Variants in AGBL1 observed in about 807,000 individuals in gnomAD.
AGBL1 encodes AGBL carboxypeptidase 1.
A neutral mutation model predicts 118.9 loss-of-function variants in AGBL1; 130 were observed. The ratio of observed to expected loss-of-function variants is 1.09; its 90% CI spans 0.95 to 1.26. The LOEUF is 1.26. AGBL1 is among the 50% of genes most tolerant of loss of function. The pLI is 0.00. For synonymous variants in AGBL1, 555 were observed against 478.9 expected, an observed-to-expected ratio of 1.16 and a Z score of -2.08; for missense variants, 1,584 against 1,298.1, an observed-to-expected ratio of 1.22 and a Z score of -3.38.
chr15:86,518,704 T>C (rs540568584), intron 18 of AGBL1, among the ~76,000 whole-genome samples: 3 of 152,164 alleles, frequency 2.0e-5, no homozygotes, highest in African/African-American at 7.2e-5. Context: ...TGACCCTCAG[T>C]GGCATATGAA....
intron 22 of AGBL1, among the ~76,000 whole-genome samples, chr15:86,716,065 C>CAA (rs35322996): frequency 4.6e-5 from 5 of 109,790 alleles, no homozygotes; most frequent in Admixed American, 1.8e-4. Context: ...GACTCCGTCT[C>CAA]AAAAAAAAAA....
chr15:86,846,380 T>C (rs2079318526), intron 22 of AGBL1, among the ~76,000 whole-genome samples: 1 of 152,232 alleles, frequency 6.6e-6, no homozygotes, highest in African/African-American at 2.4e-5. Flanking sequence ...CCATTAATTT[T>C]ATATTCTTTT....
chr15:86,355,845 C>G (rs1332979341), intron 17 of AGBL1, among the ~76,000 whole-genome samples: 1 of 152,106 alleles, frequency 6.6e-6, no homozygotes, highest in African/African-American at 2.4e-5. Flanking sequence ...ATTTGTGCTT[C>G]CCCATGTTTT....
chr15:86,384,116 TGAG>T (rs1302396099), intron 17 of AGBL1, among the ~76,000 whole-genome samples: 2 of 152,146 alleles, frequency 1.3e-5, no homozygotes, highest in African/African-American at 2.4e-5. Context: ...TGGGCTCCAT[TGAG>T]GTAGTGCTTA....
rs1567242774 is a variant in AGBL1 at position 86,410,828 on chromosome 15, A to ATGATATACTATTT, written c.2555+13283_2555+13284insGATATACTATTTT. On this transcript the variant is annotated intron_variant, in intron 18 of 22. Coordinates refer to ENST00000614907, the MANE Select transcript of AGBL1 (RefSeq NM_001386094.1). Reference sequence around the variant, plus strand: ...TGTAGATATATATATATATATATATATATATATATATATAATATACTATTT... The same window carrying ATGATATACTATTT: ...TGTAGATATATATATATATATATATATGATATACTATTTTATATATATATATAATATACTATTT... Among the ~76,000 whole-genome samples the ATGATATACTATTT allele has an allele frequency of 3.0e-4, 28 of 94,352 alleles. 1 individual carries two copies. The South Asian group carries it at 5.8e-3, about 19-fold the overall frequency. The allele number at this position is 94,352 out of a possible 152,430, so 61.9% of individuals were successfully genotyped here.
downstream of AGBL1, among the ~76,000 whole-genome samples, chr15:87,029,670 T>C (rs1045531282): frequency 3.3e-5 from 5 of 151,960 alleles, no homozygotes; most frequent in African/African-American, 7.2e-5. Flanking sequence ...GTCAAAGAGA[T>C]AGTCTGTAGG....
At chr15:86,513,407 T>A (rs2083076321) in intron 18 of AGBL1, among the ~76,000 whole-genome samples, 1 of 152,098 alleles carries the variant, frequency 6.6e-6, no homozygotes, top group Non-Finnish European at 1.5e-5. Context: ...AGTTGTATCA[T>A]ATCAGGGGCA....
chr15:86,148,031 T>C (rs1337488023), intron 3 of AGBL1, among the ~76,000 whole-genome samples: 2 of 151,988 alleles, frequency 1.3e-5, no homozygotes, highest in African/African-American at 4.8e-5. Context: ...AGACCTGCAG[T>C]TGAGGGACCT....
At chr15:86,384,041 C>G (rs1051711288) in intron 17 of AGBL1, among the ~76,000 whole-genome samples, 2 of 152,098 alleles carry the variant, frequency 1.3e-5, no homozygotes, top group Non-Finnish European at 2.9e-5. Flanking sequence ...AATGAGTCTT[C>G]GTGGAGCATG....
At chr15:86,977,042 A>G (rs565783909) in intron 23 of AGBL1, among the ~76,000 whole-genome samples, 1 of 152,078 alleles carries the variant, frequency 6.6e-6, no homozygotes, top group African/African-American at 2.4e-5. Flanking sequence ...TAATATAGTG[A>G]AAGTTACATC....
intron 18 of AGBL1, among the ~76,000 whole-genome samples, chr15:86,491,271 G>A (rs943431262): frequency 4.6e-5 from 7 of 152,102 alleles, no homozygotes; most frequent in Admixed American, 1.3e-4. Flanking sequence ...AAGGGTGTGC[G>A]AAACAGCATG....
At chr15:86,280,923 G>A (rs1055827640) in intron 16 of AGBL1, among the ~76,000 whole-genome samples, 1 of 152,170 alleles carries the variant, frequency 6.6e-6, no homozygotes, top group Non-Finnish European at 1.5e-5. Flanking sequence ...ATCACACTTA[G>A]AGAGCTCAAG....
intron 22 of AGBL1, among the ~76,000 whole-genome samples, chr15:86,894,904 T>G (rs1211964882): frequency 1.3e-5 from 2 of 152,170 alleles, no homozygotes; most frequent in Non-Finnish European, 2.9e-5. Flanking sequence ...CAAGGCAGTT[T>G]TATTGCATTT....
At chr15:86,735,655 G>GAGATATAT (rs2077584313) in intron 22 of AGBL1, among the ~76,000 whole-genome samples, 1 of 146,744 alleles carries the variant, frequency 6.8e-6, no homozygotes, top group Non-Finnish European at 1.5e-5. Flanking sequence ...TACAAAGAGA[G>GAGATATAT]ATATATATAT....
At chr15:86,854,651 G>C (rs1567208403) in intron 22 of AGBL1, among the ~76,000 whole-genome samples, 1 of 152,070 alleles carries the variant, frequency 6.6e-6, no homozygotes, top group East Asian at 1.9e-4. Flanking sequence ...CATTCTAAGG[G>C]TGTATCTTCT....
chr15:86,721,200 A>T (rs879822471), intron 22 of AGBL1, among the ~76,000 whole-genome samples: 18 of 152,214 alleles, frequency 1.2e-4, no homozygotes, highest in Non-Finnish European at 2.1e-4. Context: ...CAACAAAAAA[A>T]AAGAATTTTA....
chr15:86,648,030 A>G (rs2085313692), intron 21 of AGBL1, among the ~76,000 whole-genome samples: 1 of 152,200 alleles, frequency 6.6e-6, no homozygotes, highest in African/African-American at 2.4e-5. Context: ...GTAGAGTGTT[A>G]GGAAATAAAT....
chr15:86,925,170 A>G (rs866398255), intron 23 of AGBL1, among the ~76,000 whole-genome samples: 158 of 4,144 alleles, frequency 0.038, no homozygotes, highest in Middle Eastern at 0.25. Flanking sequence ...AGGAGGAGGA[A>G]GAGGAAGAGG....
chr15:86,310,392 G>T (rs901988163), intron 17 of AGBL1, among the ~76,000 whole-genome samples: 2 of 152,116 alleles, frequency 1.3e-5, no homozygotes, highest in Non-Finnish European at 2.9e-5. Flanking sequence ...TTGATCCAAA[G>T]ATTCTTGGTG....
Sources: allele counts gnomAD v4.1 joint callset (sites outside exome capture counted in the v4.1 genomes callset), GRCh38; gene constraint gnomAD v4.1.1; transcripts MANE v1.5; gene names NCBI Gene and HGNC (gene_info 2026-07-23, HGNC 2026-07-21).